The following COP1 variants were observed in gnomAD, a reference collection of about 807,000 sequenced individuals.
COP1 encodes the protein COP1 E3 ubiquitin ligase.
COP1 carries 24 observed loss-of-function variants against 101.3 expected under a neutral mutation model. That is an observed-to-expected ratio of 0.24 (90% CI 0.17 to 0.33). The LOEUF (loss-of-function observed/expected upper bound fraction) is 0.33. Ranked by LOEUF, COP1 falls within the 10% of genes least tolerant of loss-of-function variation. The pLI, the probability that COP1 is intolerant of heterozygous loss-of-function variation, is 1.00. For missense variants in COP1, 663 were observed against 906.2 expected, an observed-to-expected ratio of 0.73 and a Z score of 3.45; for synonymous variants, 347 against 341.9, an observed-to-expected ratio of 1.01 and a Z score of -0.17.
At chr1:176,117,366 G>A (rs1686368826) in intron 8 of COP1, among the ~76,000 whole-genome samples, 1 of 151,568 alleles carries the variant, frequency 6.6e-6, no homozygotes, top group African/African-American at 2.4e-5. Flanking sequence ...TTTTTATTTG[G>A]TTATATCCTC....
chr1:175,984,284 C>T (rs1391808094), intron 18 of COP1, among the ~76,000 whole-genome samples: 2 of 152,178 alleles, frequency 1.3e-5, no homozygotes, highest in African/African-American at 4.8e-5. Context: ...CCGCTCCAGC[C>T]ATGACTAAAA....
intron 14 of COP1, 87 bp from the exon 15 acceptor site, chr1:176,027,775 C>G (rs1667931290): frequency 1.3e-6 from 1 of 764,234 alleles, no homozygotes; most frequent in Non-Finnish European, 2.2e-6. Flanking sequence ...TGGCTTATTG[C>G]TCCAGAAATC....
chr1:176,091,006 AATTT>A (rs561161206), intron 9 of COP1, among the ~76,000 whole-genome samples: 78 of 152,330 alleles, frequency 5.1e-4, no homozygotes, highest in African/African-American at 1.7e-3. Flanking sequence ...AAAGAAAGAT[AATTT>A]ATTTAGGAAC....
At position 176,006,406 on chromosome 1, in the gene COP1, T is replaced by G. The variant is rs189919908; in HGVS notation, c.1730-16927A>C. On this transcript the variant is annotated intron_variant, in intron 15 of 19. Coordinates refer to ENST00000367669, the MANE Select transcript of COP1 (RefSeq NM_022457.7). ...TCCTGTCATTATGATGTTAGCTGGTTATTTTGCTCGTTAGTTGATGCAGTT... is the reference window on the plus strand; with the variant it reads ...TCCTGTCATTATGATGTTAGCTGGTGATTTTGCTCGTTAGTTGATGCAGTT... 9.6e-3 allele frequency among the ~76,000 whole-genome samples: 1,456 copies of G among 152,310 alleles called. 26 individuals are homozygous for G. Among genetic ancestry groups the G allele is most frequent in the African/African-American group, 0.031 (1,299 of 41,552 alleles).
Position 176,042,012 on chromosome 1 carries a change from T to C in COP1, c.1612+1174A>G, listed in dbSNP as rs1286241981. Among the ~76,000 whole-genome samples, 4 of 152,188 alleles carry C rather than the reference T, an allele frequency of 2.6e-5. No individual in the cohort carries two copies. The East Asian group carries it at 7.8e-4, about 30-fold the overall frequency. On this transcript the variant is annotated intron_variant, in intron 14 of 19. Coordinates refer to ENST00000367669, the MANE Select transcript of COP1 (RefSeq NM_022457.7). ...CTGTAGGCCCAGCTACTCAGGAGGC[T>C]GAGGCAAAAGAATCGCTTGAACCTG...
At chr1:175,985,914 C>T (rs148222923) in intron 18 of COP1, among the ~76,000 whole-genome samples, 9 of 152,258 alleles carry the variant, frequency 5.9e-5, no homozygotes, top group African/African-American at 1.4e-4. Context: ...TTTTAAATTA[C>T]ATATCAAGTC....
chr1:176,098,592 T>C (rs1328749723), intron 9 of COP1, among the ~76,000 whole-genome samples: 1 of 152,218 alleles, frequency 6.6e-6, no homozygotes, highest in Non-Finnish European at 1.5e-5. Context: ...CATTATATGG[T>C]TTTTCTGTAA....
intron 8 of COP1, among the ~76,000 whole-genome samples, chr1:176,121,125 A>T (rs1487564590): frequency 1.3e-5 from 2 of 152,046 alleles, no homozygotes; most frequent in African/African-American, 2.4e-5. Context: ...GCTACAAATA[A>T]AACTTTTTCC....
chr1:176,161,229 A>C (rs1018838269), intron 5 of COP1, among the ~76,000 whole-genome samples: 4 of 152,118 alleles, frequency 2.6e-5, no homozygotes, highest in African/African-American at 9.7e-5. Context: ...TAAAATCCCT[A>C]ATTTACTGTC....
At chr1:175,996,361 C>T (rs1440432883) in intron 15 of COP1, among the ~76,000 whole-genome samples, 1 of 152,218 alleles carries the variant, frequency 6.6e-6, no homozygotes, top group Admixed American at 6.5e-5. Context: ...CCTCTCTCAC[C>T]ACTCCTCTTC....
intron 5 of COP1, among the ~76,000 whole-genome samples, chr1:176,152,402 T>C (rs932063066): frequency 1.3e-5 from 2 of 152,172 alleles, no homozygotes; most frequent in East Asian, 1.9e-4. Flanking sequence ...GCTATAAATC[T>C]TGTTAATAAT....
intron 5 of COP1, among the ~76,000 whole-genome samples, chr1:176,150,842 G>T (rs1278596308): frequency 6.6e-6 from 1 of 152,080 alleles, no homozygotes; most frequent in African/African-American, 2.4e-5. Context: ...CATACACCAG[G>T]AATTCACCAC....
chr1:176,063,047 G>T lies in COP1; in HGVS notation c.1278-16723C>A, dbSNP rs374231762. ...GGTGGAAGAGAAAATTTTTGAAAAT[G>T]TTTTTTTTTTTTTTTTTTTTTTTGA... On this transcript the variant is annotated intron_variant, in intron 11 of 19. Transcript: ENST00000367669. Among the ~76,000 whole-genome samples the T allele has an allele frequency of 2.6e-3, 236 of 90,560 alleles. 3 individuals carry two copies. Among genetic ancestry groups the T allele is most frequent in the South Asian group, 4.9e-3 (12 of 2,440 alleles). 59.4% of individuals were successfully genotyped at this position (90,560 alleles called of 152,430 possible).
intron 15 of COP1, among the ~76,000 whole-genome samples, chr1:176,003,486 C>T (rs1388912407): frequency 2.0e-5 from 3 of 151,916 alleles, no homozygotes; most frequent in Non-Finnish European, 4.4e-5. Flanking sequence ...GGTTTTAGGT[C>T]TAACATGTAA....
At chr1:175,987,932 A>G (rs1277376416) in intron 17 of COP1, among the ~76,000 whole-genome samples, 1 of 152,250 alleles carries the variant, frequency 6.6e-6, no homozygotes, top group Non-Finnish European at 1.5e-5. Context: ...ATCAAGCTTA[A>G]GAAGACACAT....
intron 14 of COP1, among the ~76,000 whole-genome samples, chr1:176,036,871 T>C (rs114402112): frequency 0.016 from 2,467 of 152,306 alleles, 24 homozygotes; most frequent in South Asian, 0.035. Flanking sequence ...ATTGGGACTG[T>C]AATCCCATTG....
At chr1:176,070,319 T>G (rs982878182) in intron 11 of COP1, among the ~76,000 whole-genome samples, 2 of 151,026 alleles carry the variant, frequency 1.3e-5, no homozygotes, top group Non-Finnish European at 2.9e-5. Flanking sequence ...ATCTCCCTAT[T>G]GCCACTTGTG....
chr1:175,976,450 G>T (rs1000189622), intron 18 of COP1, among the ~76,000 whole-genome samples: 1 of 151,536 alleles, frequency 6.6e-6, no homozygotes, highest in East Asian at 1.9e-4. Context: ...CCTAATTATT[G>T]TATTTTTAGT....
Position 176,174,722 on chromosome 1 carries a change from A to T in COP1, c.565+1188T>A, listed in dbSNP as rs184043068. 1.9e-3 allele frequency among the ~76,000 whole-genome samples: 294 copies of T among 152,328 alleles called. 1 individual carries two copies. Among genetic ancestry groups the T allele is most frequent in the African/African-American group, 6.7e-3 (278 of 41,574 alleles). ...ATCAAACTGCCACCAAAGTACTAGCAGGTCAGAATCTAATACAAAAGTAGT... is the reference window on the plus strand; with the variant it reads ...ATCAAACTGCCACCAAAGTACTAGCTGGTCAGAATCTAATACAAAAGTAGT... On this transcript the variant is annotated intron_variant, in intron 3 of 19. Coordinates refer to ENST00000367669, the MANE Select transcript of COP1 (RefSeq NM_022457.7).
Sources: allele counts gnomAD v4.1 joint callset (sites outside exome capture counted in the v4.1 genomes callset), GRCh38; gene constraint gnomAD v4.1.1; transcripts MANE v1.5; gene names NCBI Gene and HGNC (gene_info 2026-07-23, HGNC 2026-07-21).